DCAF10: variants seen among roughly 807,000 people sequenced by gnomAD.
DCAF10 encodes the protein DDB1- and CUL4-associated factor 10.
In DCAF10, 19 loss-of-function variants were observed where a neutral mutation model predicts 51.9. The observed-to-expected ratio is 0.37, with a 90% CI of 0.26 to 0.54. DCAF10 has a LOEUF of 0.54. DCAF10 is among the 20% of genes least tolerant of loss of function. The pLI is 0.87. For missense variants in DCAF10, 510 were observed against 730.6 expected, an observed-to-expected ratio of 0.70 and a Z score of 3.48; for synonymous variants, 291 against 297.1, an observed-to-expected ratio of 0.98 and a Z score of 0.21.
Position 37,836,004 on chromosome 9 carries a change from G to A in DCAF10, c.654-6085G>A, listed in dbSNP as rs1417827712. ...AAAAATTCCCCAATCCCTGCCAGAG[G>A]CGCCGGCACACGGCCCCAAACGCCG... On this transcript the variant is annotated intron_variant, in intron 2 of 6. Coordinates refer to ENST00000377724, the MANE Select transcript of DCAF10 (RefSeq NM_024345.5). The A allele has an allele frequency of 1.0e-5, 10 of 994,950 alleles. No homozygotes were observed. In the African/African-American group the frequency reaches 1.1e-4, roughly 11 times the overall value. 61.6% of individuals were successfully genotyped at this position (994,950 alleles called of 1,614,324 possible). A position where few individuals can be genotyped will look rare whatever the true frequency, so the allele number is the denominator to read the frequency against.
In DCAF10 at chr9:37,863,250, C is replaced by A. The variant is rs1287288432; in HGVS notation, c.*1742C>A. ...CTGAGGCAAGAGAATCACTTGAACCCGGGAGGCAGAGGGTGCAGTAAGCCG... is the reference window on the plus strand; with the variant it reads ...CTGAGGCAAGAGAATCACTTGAACCAGGGAGGCAGAGGGTGCAGTAAGCCG... On this transcript the variant is annotated 3_prime_UTR_variant, in exon 7 of 7. Transcript: ENST00000377724. 1 of 142,528 alleles carries A rather than the reference C, an allele frequency of 7.0e-6. No individual in the cohort carries two copies. The highest frequency in any genetic ancestry group is 2.6e-5 in the African/African-American group (1 of 37,976). The allele number at this position is 142,528 out of a possible 1,614,324, so 8.8% of individuals were successfully genotyped here. A position where few individuals can be genotyped will look rare whatever the true frequency, so the allele number is the denominator to read the frequency against.
At position 37,861,102 on chromosome 9, in the gene DCAF10, C is replaced by T. The variant is rs778682229; in HGVS notation, c.1312-38C>T. On this transcript the variant is annotated intron_variant, in intron 6 of 6. Coordinates refer to ENST00000377724, the MANE Select transcript of DCAF10 (RefSeq NM_024345.5). This position sits in a 1 kb window ranked among gnomAD's most constrained non-coding sequence, Gnocchi z 4.9. ...AGGAATATCTGTAGCACTATTTGGGCTCTGTAACCTTGGTTTGTCTCCCTT... is the reference window on the plus strand; with the variant it reads ...AGGAATATCTGTAGCACTATTTGGGTTCTGTAACCTTGGTTTGTCTCCCTT... The T allele has an allele frequency of 6.4e-7, 1 of 1,570,172 alleles. No individual in the cohort carries two copies. Among genetic ancestry groups the T allele is most frequent in the Non-Finnish European group, 8.7e-7 (1 of 1,153,798 alleles).
At chr9:37,823,325 C>T (rs1829760128) in intron 2 of DCAF10, among the ~76,000 whole-genome samples, 1 of 152,130 alleles carries the variant, frequency 6.6e-6, no homozygotes, top group Admixed American at 6.5e-5. Context: ...TGTGGTGAAA[C>T]TCTAGAATAC....
chr9:37,841,251 T>C (rs10973580), intron 2 of DCAF10, among the ~76,000 whole-genome samples: 19,575 of 152,202 alleles, frequency 0.13, 1,614 homozygotes, highest in South Asian at 0.23. Flanking sequence ...TTATGGTGTT[T>C]GTGGATATTG....
rs1429367814 is a variant in DCAF10 at position 37,800,979 on chromosome 9, T to A, written c.113T>A (p.Leu38Gln). 6.6e-7 allele frequency: 1 copy of A among 1,525,146 alleles called. No individual in the cohort carries two copies. Among genetic ancestry groups the A allele is most frequent in the Middle Eastern group, 2.3e-4 (1 of 4,272 alleles). The allele number at this position is 1,525,146 out of a possible 1,614,324, so 94.5% of individuals were successfully genotyped here. Reference protein sequence around the residue: ...QAAATGPPSPLHPGADATHPP... With the variant: ...QAAATGPPSPQHPGADATHPP... ...GCAGCCACCGGGCCGCCCTCGCCAC[T>A]ACATCCCGGGGCTGATGCGACCCAT... Residue 38 changes from leucine to glutamine, a missense_variant, in exon 1 of 7, where the codon CTA (leucine) becomes CAA (glutamine). Coordinates refer to ENST00000377724, the MANE Select transcript of DCAF10 (RefSeq NM_024345.5).
chr9:37,820,722 A>G (rs1402210811), intron 2 of DCAF10, among the ~76,000 whole-genome samples: 1 of 152,176 alleles, frequency 6.6e-6, no homozygotes, highest in Non-Finnish European at 1.5e-5. Flanking sequence ...AAACCATTAA[A>G]TAGGAGGAGA....
Position 37,829,800 on chromosome 9 carries a change from A to C in DCAF10, c.653+10399A>C, listed in dbSNP as rs368396556. Among the ~76,000 whole-genome samples the C allele has an allele frequency of 5.9e-5, 9 of 152,262 alleles. No homozygotes were observed. The highest frequency in any genetic ancestry group is 2.2e-4 in the African/African-American group (9 of 41,532). On this transcript the variant is annotated intron_variant, in intron 2 of 6. Transcript: ENST00000377724. The surrounding 1 kb of genome is among the most constrained non-coding windows in gnomAD (Gnocchi z 4.2). ...GGTGGGACAATCACTGGAGGGCAGG[A>C]GTTCAAGACTAGCCTGGGCAACACA...
At chr9:37,841,971 G>A in intron 2 of DCAF10, 118 bp from the exon 3 acceptor site, 1 of 842,264 alleles carries the variant, frequency 1.2e-6, no homozygotes, top group Non-Finnish European at 1.8e-6. Flanking sequence ...TACATAGTGA[G>A]TGTGTAGTCC....
At chr9:37,840,906 G>C (rs1428691025) in intron 2 of DCAF10, among the ~76,000 whole-genome samples, 2 of 152,044 alleles carry the variant, frequency 1.3e-5, no homozygotes, top group African/African-American at 2.4e-5. Context: ...AAATACTTAC[G>C]ATTGTGTTAC....
chr9:37,833,136 G>C (rs1830055142), intron 2 of DCAF10, among the ~76,000 whole-genome samples: 1 of 152,196 alleles, frequency 6.6e-6, no homozygotes, highest in African/African-American at 2.4e-5. Context: ...GGGACTACAG[G>C]CGTGAGCTGA....
At chr9:37,836,691 T>C (rs1405787571) in intron 2 of DCAF10, among the ~76,000 whole-genome samples, 1 of 152,186 alleles carries the variant, frequency 6.6e-6, no homozygotes, top group African/African-American at 2.4e-5. Context: ...GCTACTGGTG[T>C]TCAATTATTA....
At chr9:37,860,762 GAGAGA>G (rs1460667004) in intron 6 of DCAF10, among the ~76,000 whole-genome samples, 3 of 152,182 alleles carry the variant, frequency 2.0e-5, no homozygotes, top group Admixed American at 1.3e-4. Flanking sequence ...CAACTGAAAG[GAGAGA>G]AGAGAAGAGC....
rs910730544 is a variant in DCAF10 at position 37,865,987 on chromosome 9, A to G, written c.*4479A>G. ...CCTAGTGTTTCCCTTATTTGTCAGA[A>G]TATGTGGTAGTGGCATCCATAAGTA... On this transcript the variant is annotated 3_prime_UTR_variant, in exon 7 of 7. Coordinates refer to ENST00000377724, the MANE Select transcript of DCAF10 (RefSeq NM_024345.5). The G allele has an allele frequency of 2.0e-5, 3 of 152,646 alleles. No homozygotes were observed. The highest frequency in any genetic ancestry group is 7.2e-5 in the African/African-American group (3 of 41,460). 9.5% of individuals were successfully genotyped at this position (152,646 alleles called of 1,614,324 possible). A position where few individuals can be genotyped will look rare whatever the true frequency, so the allele number is the denominator to read the frequency against.
intron 1 of DCAF10, among the ~76,000 whole-genome samples, chr9:37,818,245 C>T (rs1376632345): frequency 2.6e-5 from 4 of 152,206 alleles, no homozygotes; most frequent in South Asian, 2.1e-4. Flanking sequence ...CCACCCACCT[C>T]GGTCTCCCAA....
chr9:37,846,307 A>G (rs1336836111), intron 3 of DCAF10, among the ~76,000 whole-genome samples: 1 of 152,196 alleles, frequency 6.6e-6, no homozygotes, highest in Non-Finnish European at 1.5e-5. Flanking sequence ...TTAAAAACAA[A>G]AGAGAGGAGA....
chr9:37,851,363 TAG>T (rs1290938583), intron 3 of DCAF10, among the ~76,000 whole-genome samples: 1 of 152,050 alleles, frequency 6.6e-6, no homozygotes, highest in Non-Finnish European at 1.5e-5. Context: ...CATTTTTTCA[TAG>T]AGACAGTGTC....
chr9:37,842,168 A>G lies in DCAF10; in HGVS notation c.733A>G (p.Lys245Glu). 6.2e-7 allele frequency: 1 copy of G among 1,614,028 alleles called. No homozygotes were observed. The highest frequency in any genetic ancestry group is 8.5e-7 in the Non-Finnish European group (1 of 1,179,950). The change falls in exon 3 of 7, where the codon AAA becomes GAA. Residue 245 changes from lysine to glutamate, a missense_variant. Physicochemically the swap from Lys to Glu is moderately conservative, Grantham distance 56 (BLOSUM62 1). Around this residue, in one of 4 missense-constraint regions of DCAF10, gnomAD observed 126 missense variants for 271.5 expected, o/e 0.46. Coordinates refer to ENST00000377724, the MANE Select transcript of DCAF10 (RefSeq NM_024345.5). ...ATGGGATCTGAGAAAATTGAACACC[A>G]AAGTATGCACTTTACATGGTCACAC... ...ALWDLRKLNTKVCTLHGHTSW... is the reference protein window; with the variant it reads ...ALWDLRKLNTEVCTLHGHTSW...
chr9:37,826,705 C>T (rs1829861318), intron 2 of DCAF10, among the ~76,000 whole-genome samples: 1 of 151,172 alleles, frequency 6.6e-6, no homozygotes, highest in African/African-American at 2.4e-5. Context: ...GCCTGTGCCA[C>T]ATGTATGAGA....
rs569548770 is a variant in DCAF10 at position 37,810,946 on chromosome 9, C to T, written c.540-8342C>T. Reference sequence around the variant, plus strand: ...ACTAAAGGCCAGCTTCAAATAATCTCATTCCCTACGTAGATTAAGAAGACC... The same window carrying T: ...ACTAAAGGCCAGCTTCAAATAATCTTATTCCCTACGTAGATTAAGAAGACC... On this transcript the variant is annotated intron_variant, in intron 1 of 6. Coordinates refer to ENST00000377724, the MANE Select transcript of DCAF10 (RefSeq NM_024345.5). Among the ~76,000 whole-genome samples the T allele has an allele frequency of 1.4e-3, 206 of 152,284 alleles. 1 individual carries two copies. The highest frequency in any genetic ancestry group is 1.9e-3 in the Non-Finnish European group (130 of 68,028).
Sources: gnomAD v4.1 joint callset for allele counts (sites outside exome capture counted in the v4.1 genomes callset) on GRCh38, gnomAD v4.1.1 for gene constraint, gnomAD v4.1.1 regional missense constraint, Gnocchi (gnomAD v3.1) non-coding constraint, MANE v1.5 for transcripts, NCBI Gene and HGNC (gene_info 2026-07-23, HGNC 2026-07-21) for gene names.